HSD17B12: variants seen among roughly 807,000 people sequenced by gnomAD.
HSD17B12 encodes the protein very-long-chain 3-oxoacyl-CoA reductase.
In HSD17B12, 32 loss-of-function variants were observed where a neutral mutation model predicts 39.3. That is an observed-to-expected ratio of 0.81 (90% CI 0.61 to 1.09). The LOEUF (loss-of-function observed/expected upper bound fraction) is 1.09. HSD17B12 is among the 50% of genes least tolerant of loss of function. The pLI is 0.00. For missense variants in HSD17B12, 342 were observed against 382.9 expected (o/e 0.89, Z 0.89); for synonymous variants, 150 against 146.7 (o/e 1.02, Z -0.16).
upstream of HSD17B12, among the ~76,000 whole-genome samples, chr11:43,680,292 G>C (rs1949728042): frequency 6.6e-6 from 1 of 152,048 alleles, no homozygotes; most frequent in South Asian, 2.1e-4. Context: ...GGCTGGTCTC[G>C]GACTCCTAAG....
the HSD17B12 span, among the ~76,000 whole-genome samples, chr11:43,623,032 C>T: frequency 1.3e-5 from 2 of 152,134 alleles, no homozygotes; most frequent in South Asian, 4.1e-4. Flanking sequence ...TTTTCAGCAG[C>T]AATTTTGTGG....
chr11:43,652,165 C>CAAGGG, the HSD17B12 span, among the ~76,000 whole-genome samples: 1 of 152,054 alleles, frequency 6.6e-6, no homozygotes, highest in Admixed American at 6.6e-5. Flanking sequence ...TATGGAAATG[C>CAAGGG]AAGGGCTCTA....
chr11:43,582,204 G>A, the HSD17B12 span, among the ~76,000 whole-genome samples: 1,131 of 152,336 alleles, frequency 7.4e-3, 18 homozygotes, highest in African/African-American at 0.026. Context: ...GAGAACTGGG[G>A]AAGCCCCCGC....
the HSD17B12 span, among the ~76,000 whole-genome samples, chr11:43,665,034 A>G: frequency 6.6e-6 from 1 of 152,220 alleles, no homozygotes; most frequent in African/African-American, 2.4e-5. Context: ...AAGTCTTTAT[A>G]GAAAAAATGT....
At chr11:43,742,163 G>A (rs1475864498) in intron 1 of HSD17B12, among the ~76,000 whole-genome samples, 2 of 139,056 alleles carry the variant, frequency 1.4e-5, no homozygotes, top group Non-Finnish European at 3.1e-5. Context: ...ATTGAGACAG[G>A]ATCTCACTCT....
intron 1 of HSD17B12, among the ~76,000 whole-genome samples, chr11:43,730,017 C>T (rs546859643): frequency 2.1e-4 from 32 of 151,196 alleles, no homozygotes; most frequent in African/African-American, 7.8e-4. Context: ...ACTTGACATA[C>T]TGTTTTTAAA....
intron 1 of HSD17B12, among the ~76,000 whole-genome samples, chr11:43,706,292 T>C (rs1950014113): frequency 6.6e-6 from 1 of 152,124 alleles, no homozygotes; most frequent in Non-Finnish European, 1.5e-5. Context: ...GCCTCTAATC[T>C]CAGCACTTTG....
At chr11:43,572,202 C>T in the HSD17B12 span, among the ~76,000 whole-genome samples, 14 of 152,176 alleles carry the variant, frequency 9.2e-5, no homozygotes, top group African/African-American at 3.1e-4. Context: ...TGCATCTCCA[C>T]CACAAACTGG....
the HSD17B12 span, among the ~76,000 whole-genome samples, chr11:43,618,886 A>G: frequency 6.6e-6 from 1 of 151,964 alleles, no homozygotes; most frequent in Non-Finnish European, 1.5e-5. Context: ...ATAAAGGACC[A>G]CAGTTTTATT....
At chr11:43,787,736 C>CA (rs1295178324) in intron 3 of HSD17B12, among the ~76,000 whole-genome samples, 1 of 118,536 alleles carries the variant, frequency 8.4e-6, no homozygotes, top group Non-Finnish European at 1.9e-5. Flanking sequence ...GACTCCGTCT[C>CA]GGAAAAAAAA....
At chr11:43,651,888 T>G in the HSD17B12 span, among the ~76,000 whole-genome samples, 1 of 152,096 alleles carries the variant, frequency 6.6e-6, no homozygotes, top group South Asian at 2.1e-4. Context: ...ACAAAACCAT[T>G]TAAATAGCAC....
chr11:43,768,704 C>T (rs1950620463), intron 3 of HSD17B12, among the ~76,000 whole-genome samples: 1 of 152,150 alleles, frequency 6.6e-6, no homozygotes, highest in Non-Finnish European at 1.5e-5. Flanking sequence ...TGAGCAGCAG[C>T]AAGATTTACT....
At chr11:43,597,311 G>T in the HSD17B12 span, among the ~76,000 whole-genome samples, 1 of 152,194 alleles carries the variant, frequency 6.6e-6, no homozygotes, top group Non-Finnish European at 1.5e-5. Context: ...AAGGTCTGGA[G>T]TGGTGGGTGC....
At chr11:43,732,695 T>G (rs1332322862) in intron 1 of HSD17B12, among the ~76,000 whole-genome samples, 1 of 152,162 alleles carries the variant, frequency 6.6e-6, no homozygotes, top group Non-Finnish European at 1.5e-5. Flanking sequence ...ACTCCTGGTC[T>G]CAAGTGATCC....
At chr11:43,701,151 A>G (rs1949960166) in intron 1 of HSD17B12, among the ~76,000 whole-genome samples, 1 of 152,146 alleles carries the variant, frequency 6.6e-6, no homozygotes, top group Non-Finnish European at 1.5e-5. Context: ...AGAAATGTCT[A>G]TACACATATT....
At chr11:43,775,156 C>T (rs11037622) in intron 3 of HSD17B12, among the ~76,000 whole-genome samples, 8,710 of 152,184 alleles carry the variant, frequency 0.057, 736 homozygotes, top group African/African-American at 0.18. Context: ...CCCAGTCTTA[C>T]AACTGCAAGA....
chr11:43,829,908 A>G (rs1420167259), intron 6 of HSD17B12: 1 of 152,180 alleles, frequency 6.6e-6, no homozygotes, highest in Non-Finnish European at 1.5e-5. Context: ...AGGGTTTTGT[A>G]TAATCTATCC....
At chr11:43,566,721 G>A in the HSD17B12 span, among the ~76,000 whole-genome samples, 1 of 152,214 alleles carries the variant, frequency 6.6e-6, no homozygotes, top group South Asian at 2.1e-4. Context: ...TTAGAGACGG[G>A]GTTTCACCAT....
rs1356118851 is a variant in HSD17B12, at chr11:43,831,504, C to T, written c.536+494C>T. The T allele has an allele frequency of 6.6e-6, 1 of 152,240 alleles. No homozygotes were observed. Among genetic ancestry groups the T allele is most frequent in the Admixed American group, 6.5e-5 (1 of 15,282 alleles). 9.4% of individuals were successfully genotyped at this position (152,240 alleles called of 1,614,324 possible). A position where few individuals can be genotyped will look rare whatever the true frequency, so the allele number is the denominator to read the frequency against. On this transcript the variant is annotated intron_variant, in intron 7 of 10. Transcript: ENST00000278353. This position sits in a 1 kb window ranked among gnomAD's most constrained non-coding sequence, Gnocchi z 4.1. The stretch of plus-strand genomic sequence containing the variant: ...AGGAAAAGGCAATGTCCACTCGCCC[C>T]ATCTTTGTTCCAGTTTGAATTGGTT...
Sources: allele counts gnomAD v4.1 joint callset (sites outside exome capture counted in the v4.1 genomes callset), GRCh38; gene constraint gnomAD v4.1.1; non-coding constraint Gnocchi (gnomAD v3.1); transcripts MANE v1.5; gene names NCBI Gene and HGNC (gene_info 2026-07-23, HGNC 2026-07-21).